Variants in COL3A1 observed in about 807,000 individuals in gnomAD.
The protein encoded by COL3A1 is collagen type III alpha 1 chain.
A neutral mutation model predicts 200.9 loss-of-function variants in COL3A1; 46 were observed. The ratio of observed to expected loss-of-function variants is 0.23; its 90% CI spans 0.18 to 0.29. The LOEUF is 0.29. Ranked by LOEUF, COL3A1 falls within the 10% of genes least tolerant of loss-of-function variation. COL3A1 has a pLI of 1.00. For missense variants in COL3A1, 1,367 were observed against 1,917.6 expected, an observed-to-expected ratio of 0.71 and a Z score of 5.36; for synonymous variants, 650 against 628.0, an observed-to-expected ratio of 1.03 and a Z score of -0.52.
chr2:189,004,408 G>C, intron 40 of COL3A1, 44 bp downstream of exon 40: 1 of 1,519,394 alleles, frequency 6.6e-7, no homozygotes, highest in Non-Finnish European at 9.0e-7. Context: ...TCCTTTGGTA[G>C]CCTTCAGAGA....
chr2:188,987,812 C>G (rs1399014058), intron 5 of COL3A1, among the ~76,000 whole-genome samples: 1 of 151,946 alleles, frequency 6.6e-6, no homozygotes, highest in African/African-American at 2.4e-5. Context: ...CTAGTTTTTC[C>G]AGATTTTTAA....
intron 28 of COL3A1, 30 bp downstream of exon 28, chr2:188,998,349 GA>G: frequency 1.9e-6 from 3 of 1,581,956 alleles, no homozygotes; most frequent in Non-Finnish European, 2.6e-6. Context: ...TCAAAACTCA[GA>G]AACAAAAAGA....
At position 189,007,882 on chromosome 2, in the gene COL3A1, C is replaced by T. The variant is rs2153503944; in HGVS notation, c.3364-3C>T. The T allele has an allele frequency of 1.2e-6, 2 of 1,613,918 alleles. No individual in the cohort carries two copies. The highest frequency in any genetic ancestry group is 1.7e-6 in the Non-Finnish European group (2 of 1,180,014). On this transcript the variant is annotated splice_region_variant and splice_polypyrimidine_tract_variant and intron_variant, in intron 45 of 50. Coordinates refer to ENST00000304636, the MANE Select transcript of COL3A1 (RefSeq NM_000090.4). ...CTCCTATGTACACTTCCTTTCTTTC[C>T]AGGGCCCTGCTGGTCAGCAGGGTGC...
chr2:188,996,424 A>G lies in COL3A1; in HGVS notation c.1689A>G (p.Pro563=), dbSNP rs759142070. 1 of 1,614,024 alleles carries G rather than the reference A, an allele frequency of 6.2e-7. No homozygotes were observed. Among genetic ancestry groups the G allele is most frequent in the Non-Finnish European group, 8.5e-7 (1 of 1,179,994 alleles). ...GAAGTCAAGGAGAAAGTGGTCGACCAGGTCCTCCTGGGCCATCTGGTCCCC... is the reference window on the plus strand; with the variant it reads ...GAAGTCAAGGAGAAAGTGGTCGACCGGGTCCTCCTGGGCCATCTGGTCCCC... ...PPGSQGESGR[P]GPPGPSGPRG... is the part of the protein sequence containing the mutation. Residue 563 remains proline, a synonymous_variant, in exon 24 of 51, where the codon CCA becomes CCG. Coordinates refer to ENST00000304636, the MANE Select transcript of COL3A1 (RefSeq NM_000090.4).
chr2:188,981,820 A>T (rs1687958733), intron 1 of COL3A1, among the ~76,000 whole-genome samples: 1 of 151,656 alleles, frequency 6.6e-6, no homozygotes, highest in East Asian at 1.9e-4. Context: ...TCAGTAGAAT[A>T]TATTGCTAAC....
chr2:188,997,423 T>C (rs958126994), intron 26 of COL3A1, 34 bp downstream of exon 26: 1 of 1,595,388 alleles, frequency 6.3e-7, no homozygotes, highest in Non-Finnish European at 8.6e-7. Context: ...GAGATGAAAA[T>C]AGGGTGGAGG....
rs148901664 is a variant in COL3A1, at chr2:189,001,553, C to G, written c.2355C>G (p.Pro785=). 205 of 1,613,990 alleles carry G rather than the reference C, an allele frequency of 1.3e-4. 1 individual carries two copies. The South Asian group carries it at 2.1e-3, about 17-fold the overall frequency. The change falls in exon 34 of 51, where the codon CCC becomes CCG. Residue 785 remains proline, a synonymous_variant. Coordinates refer to ENST00000304636, the MANE Select transcript of COL3A1 (RefSeq NM_000090.4). ...QPGDKGEGGA[P]GLPGIAGPRG... ...TTTTCCAGGGTGAAGGTGGTGCCCC[C>G]GGACTTCCAGGTATAGCTGGACCTC...
At chr2:188,992,654 A>G (rs1688212929) in intron 14 of COL3A1, among the ~76,000 whole-genome samples, 1 of 152,200 alleles carries the variant, frequency 6.6e-6, no homozygotes, top group Non-Finnish European at 1.5e-5. Context: ...AGTAGCCTGC[A>G]CTAAGTCACA....
Position 189,006,402 on chromosome 2 carries a change from C to G in COL3A1, c.3151C>G (p.Pro1051Ala). The stretch of plus-strand genomic sequence containing the variant: ...CCCTGGCGCTCCTGGTCATCCAGGC[C>G]CACCTGGTCCTGTCGGTCCAGCTGG... ...GAPGAPGHPGPPGPVGPAGKS... is the reference protein window; with the variant it reads ...GAPGAPGHPGAPGPVGPAGKS... The change falls in exon 43 of 51, where the codon CCA becomes GCA. Residue 1051 changes from proline to alanine, a missense_variant. By Grantham distance (27) the Pro-to-Ala change is conservative. This residue lies in a region of COL3A1 where 846 missense variants were observed against 1,147.9 expected (regional missense o/e 0.74). Transcript: ENST00000304636. 6.2e-7 allele frequency: 1 copy of G among 1,614,086 alleles called. No individual in the cohort carries two copies. Among genetic ancestry groups the G allele is most frequent in the Non-Finnish European group, 8.5e-7 (1 of 1,180,010 alleles).
chr2:188,979,835 A>C (rs1687912202), intron 1 of COL3A1, among the ~76,000 whole-genome samples: 1 of 151,746 alleles, frequency 6.6e-6, no homozygotes, highest in Non-Finnish European at 1.5e-5. Flanking sequence ...ATTTAGAGAA[A>C]GCCTTCTTAC....
In COL3A1 at chr2:188,994,960, A is replaced by G. The variant is rs911565614; in HGVS notation, c.1456-86A>G. On this transcript the variant is annotated intron_variant, in intron 20 of 50. Transcript: ENST00000304636. The surrounding 1 kb of genome is among the most constrained non-coding windows in gnomAD (Gnocchi z 4.5). ...GTGAAAATATTGTTTAAAGCATTCTATGACATAAAAATATTTGCCACTCAA... is the reference window on the plus strand; with the variant it reads ...GTGAAAATATTGTTTAAAGCATTCTGTGACATAAAAATATTTGCCACTCAA... 4.5e-6 allele frequency: 7 copies of G among 1,554,870 alleles called. No homozygotes were observed. In the African/African-American group the frequency reaches 9.5e-5, roughly 21 times the overall value.
chr2:188,992,936 C>T lies in COL3A1; in HGVS notation c.1046C>T (p.Ala349Val), dbSNP rs780296837. ...GCCGGATTCCCTGGATCCCCTGGTG[C>T]TAAGGTAAACATGTGTTTCTATAGA... is the stretch of plus-strand genomic sequence containing the variant. ...GTAGFPGSPG[A>V]KGEVGPAGSP... Residue 349 changes from alanine to valine, a missense_variant, in exon 15 of 51, where the codon GCT becomes GTT. By Grantham distance (64) the Ala-to-Val change is moderately conservative. Transcript: ENST00000304636. 6.2e-7 allele frequency: 1 copy of T among 1,613,748 alleles called. No individual in the cohort carries two copies. Among genetic ancestry groups the T allele is most frequent in the Non-Finnish European group, 8.5e-7 (1 of 1,179,780 alleles).
intron 27 of COL3A1, 46 bp downstream of exon 27, chr2:188,997,799 T>G: frequency 6.5e-7 from 1 of 1,526,748 alleles, no homozygotes; most frequent in East Asian, 2.3e-5. Context: ...GACTGTCAAA[T>G]TTTTTTGTGT....
At position 189,008,928 on chromosome 2, in the gene COL3A1, C is replaced by T. The variant is rs1688654581; in HGVS notation, c.3530C>T (p.Ser1177Phe). 6.2e-7 allele frequency: 1 copy of T among 1,613,776 alleles called. No homozygotes were observed. The highest frequency in any genetic ancestry group is 1.3e-5 in the African/African-American group (1 of 75,028). ...TCCATGTTTTACTCATTCTAGGGCT[C>T]CCCAGGCCACCCAGGGCAACCAGGC... ...GNRGERGSEG[S>F]PGHPGQPGPP... The change falls in exon 48 of 51, where the codon TCC becomes TTC. Residue 1177 changes from serine to phenylalanine, a missense_variant. Ser to Phe is a radical substitution (Grantham distance 155). Around this residue, in one of 5 missense-constraint regions of COL3A1, gnomAD observed 846 missense variants for 1,147.9 expected, o/e 0.74. Transcript: ENST00000304636.
intron 50 of COL3A1, among the ~76,000 whole-genome samples, chr2:189,011,179 C>G (rs2153504378): frequency 6.6e-6 from 1 of 152,240 alleles, no homozygotes; most frequent in Admixed American, 6.5e-5. Context: ...TTGAATAATA[C>G]CTGTCACATT....
At chr2:189,004,202 T>G in intron 39 of COL3A1, 55 bp from the exon 40 acceptor site, 1 of 1,607,688 alleles carries the variant, frequency 6.2e-7, no homozygotes, top group Non-Finnish European at 8.5e-7. Context: ...CACAAATCGA[T>G]TAGAGAAAAA....
chr2:189,009,743 C>T (rs1411004805), intron 48 of COL3A1, among the ~76,000 whole-genome samples: 1 of 152,088 alleles, frequency 6.6e-6, no homozygotes, highest in Admixed American at 6.5e-5. Context: ...TGGAACACTG[C>T]CTTTGCTAGG....
rs1688277353 is a variant in COL3A1, at chr2:188,995,137, A to C, written c.1509+38A>C. The C allele has an allele frequency of 1.9e-6, 3 of 1,566,318 alleles. No homozygotes were observed. In the South Asian group the frequency reaches 3.3e-5, roughly 17 times the overall value. On this transcript the variant is annotated intron_variant, in intron 21 of 50. Coordinates refer to ENST00000304636, the MANE Select transcript of COL3A1 (RefSeq NM_000090.4). Reference sequence around the variant, plus strand: ...AGTTTCTATGTTCCTAAATGCTAGCACCACAAATGGGCAGTTCTTGTATAC... The same window carrying C: ...AGTTTCTATGTTCCTAAATGCTAGCCCCACAAATGGGCAGTTCTTGTATAC...
Position 188,994,065 on chromosome 2 carries a change from G to T in COL3A1, c.1177G>T (p.Gly393Cys). The T allele has an allele frequency of 6.2e-7, 1 of 1,614,040 alleles. No individual in the cohort carries two copies. The highest frequency in any genetic ancestry group is 8.5e-7 in the Non-Finnish European group (1 of 1,179,970). ...CCCTCCTGGGATTAATGGTAGTCCT[G>T]GTGGTAAAGGCGAAATGGTAAGCTG... ...PGPPGINGSP[G>C]GKGEMGPAGI... The change falls in exon 17 of 51, where the codon GGT becomes TGT. Residue 393 changes from glycine (G) to cysteine (C), a missense_variant. Coordinates refer to ENST00000304636, the MANE Select transcript of COL3A1 (RefSeq NM_000090.4). This position sits in a 1 kb window ranked among gnomAD's most constrained non-coding sequence, Gnocchi z 4.5.
Sources: gnomAD v4.1 joint callset for allele counts (sites outside exome capture counted in the v4.1 genomes callset) on GRCh38, gnomAD v4.1.1 for gene constraint, gnomAD v4.1.1 regional missense constraint, Gnocchi (gnomAD v3.1) non-coding constraint, MANE v1.5 for transcripts, NCBI Gene and HGNC (gene_info 2026-07-23, HGNC 2026-07-21) for gene names.